Variants in ZDHHC14 observed in about 807,000 individuals in gnomAD.
The protein encoded by ZDHHC14 is zDHHC palmitoyltransferase 14.
In ZDHHC14, 16 loss-of-function variants were observed where a neutral mutation model predicts 47.7. The observed-to-expected ratio is 0.34, with a 90% CI of 0.23 to 0.51. ZDHHC14 has a LOEUF of 0.51. Among genes scored for constraint, ZDHHC14 ranks in the 20% least tolerant of loss-of-function variants. ZDHHC14 has a pLI of 0.97. For missense variants in ZDHHC14, 515 were observed against 662.5 expected (o/e 0.78, Z 2.44); for synonymous variants, 293 against 278.9 (o/e 1.05, Z -0.50).
At chr6:157,536,704 T>C (rs1562467623) in intron 1 of ZDHHC14, among the ~76,000 whole-genome samples, 3 of 152,182 alleles carry the variant, frequency 2.0e-5, no homozygotes. Flanking sequence ...TAAACATGAA[T>C]ATAGAATTAA....
intron 3 of ZDHHC14, among the ~76,000 whole-genome samples, chr6:157,593,596 G>A (rs1784004062): frequency 6.6e-6 from 1 of 152,176 alleles, no homozygotes; most frequent in Admixed American, 6.5e-5. Flanking sequence ...CTCCTCCAGG[G>A]GCTGGAGTTA....
At chr6:157,468,911 G>A (rs1779288000) in intron 1 of ZDHHC14, among the ~76,000 whole-genome samples, 1 of 152,198 alleles carries the variant, frequency 6.6e-6, no homozygotes, top group South Asian at 2.1e-4. Context: ...CTGGTGAATG[G>A]CAGAGCTTGC....
At chr6:157,418,773 C>G (rs1778037899) in intron 1 of ZDHHC14, among the ~76,000 whole-genome samples, 2 of 152,212 alleles carry the variant, frequency 1.3e-5, no homozygotes, top group Admixed American at 1.3e-4. Flanking sequence ...GAATGTAGCG[C>G]CAAACTTCTT....
At chr6:157,581,812 C>T (rs1783530437) in intron 2 of ZDHHC14, among the ~76,000 whole-genome samples, 2 of 152,032 alleles carry the variant, frequency 1.3e-5, no homozygotes, top group South Asian at 2.1e-4. Context: ...CTATGGGTGT[C>T]ACTGCATGCG....
intron 3 of ZDHHC14, among the ~76,000 whole-genome samples, chr6:157,600,768 T>C (rs1228478945): frequency 6.6e-6 from 1 of 152,232 alleles, no homozygotes; most frequent in Non-Finnish European, 1.5e-5. Context: ...GTAGGCAGAA[T>C]TCTGGCCCCC....
intron 1 of ZDHHC14, among the ~76,000 whole-genome samples, chr6:157,522,835 CCCTTCCTTCCTTCCTTTCCTCCCT>C (rs1780988034): frequency 4.0e-5 from 1 of 25,126 alleles, no homozygotes; most frequent in African/African-American, 3.4e-4. Flanking sequence ...CTCCCTCCCT[CCCTTCCTTCCTTCCTTTCCTCCCT>C]TCTTCCCTTG....
intron 2 of ZDHHC14, among the ~76,000 whole-genome samples, chr6:157,547,177 C>T (rs781123717): frequency 2.0e-5 from 3 of 152,250 alleles, no homozygotes; most frequent in Non-Finnish European, 4.4e-5. Flanking sequence ...CCCGTGTGTG[C>T]ACGCACGTGC....
intron 1 of ZDHHC14, among the ~76,000 whole-genome samples, chr6:157,412,905 A>AT (rs1777900077): frequency 6.6e-6 from 1 of 152,146 alleles, no homozygotes; most frequent in Non-Finnish European, 1.5e-5. Flanking sequence ...TGGGATCCGT[A>AT]TTTTTTGGCC....
intron 3 of ZDHHC14, among the ~76,000 whole-genome samples, chr6:157,596,767 C>T (rs548895878): frequency 6.6e-6 from 1 of 152,258 alleles, no homozygotes; most frequent in African/African-American, 2.4e-5. Context: ...TAGTGCCCAC[C>T]ACAGCACCCA....
intron 5 of ZDHHC14, among the ~76,000 whole-genome samples, chr6:157,633,297 G>A (rs985262824): frequency 4.6e-5 from 7 of 152,136 alleles, no homozygotes; most frequent in African/African-American, 1.2e-4. Flanking sequence ...CCTCTGTTCC[G>A]ATTCTGTTGG....
At chr6:157,662,069 C>T (rs1778365217) in intron 8 of ZDHHC14, among the ~76,000 whole-genome samples, 1 of 151,974 alleles carries the variant, frequency 6.6e-6, no homozygotes, top group Non-Finnish European at 1.5e-5. Flanking sequence ...AGTTATTGTC[C>T]CCAGACATGG....
At chr6:157,604,001 A>G (rs1337570401) in intron 3 of ZDHHC14, among the ~76,000 whole-genome samples, 3 of 152,208 alleles carry the variant, frequency 2.0e-5, no homozygotes, top group Non-Finnish European at 4.4e-5. Flanking sequence ...CCTCGAATCA[A>G]ATATACTAAG....
intron 8 of ZDHHC14, among the ~76,000 whole-genome samples, chr6:157,663,217 G>A (rs777974443): frequency 7.2e-5 from 11 of 152,344 alleles, no homozygotes; most frequent in Admixed American, 1.3e-4. Context: ...TGCCCCAAGC[G>A]CCATGAGAAC....
rs544374570 is a variant in ZDHHC14 at position 157,508,862 on chromosome 6, T to C, written c.246-33723T>C. On this transcript the variant is annotated intron_variant, in intron 1 of 8. Coordinates refer to ENST00000359775, the MANE Select transcript of ZDHHC14 (RefSeq NM_024630.3). ...TTGTTCTCTAACTGTTCTTTTTTAG[T>C]GTCCTGTTCTTGCTTTATTTTTCTG... 7.2e-5 allele frequency among the ~76,000 whole-genome samples: 11 copies of C among 152,354 alleles called. No individual in the cohort carries two copies. In the East Asian group the frequency reaches 2.1e-3, roughly 29 times the overall value.
At chr6:157,411,674 T>C (rs1777872341) in intron 1 of ZDHHC14, among the ~76,000 whole-genome samples, 1 of 151,866 alleles carries the variant, frequency 6.6e-6, no homozygotes, top group South Asian at 2.1e-4. Flanking sequence ...CTCTGCACTA[T>C]TTTTGGAGTT....
chr6:157,436,943 AG>A (rs1167293464), intron 1 of ZDHHC14, among the ~76,000 whole-genome samples: 1 of 151,854 alleles, frequency 6.6e-6, no homozygotes. Flanking sequence ...CTGGAGTGGA[AG>A]GTGGTGGGGA....
intron 1 of ZDHHC14, among the ~76,000 whole-genome samples, chr6:157,522,482 G>C (rs1780956403): frequency 6.6e-6 from 1 of 152,030 alleles, no homozygotes; most frequent in Non-Finnish European, 1.5e-5. Flanking sequence ...CTTGCCTGTG[G>C]TCCCTGTTGT....
Position 157,647,383 on chromosome 6 carries a change from G to A in ZDHHC14, c.965+15G>A, listed in dbSNP as rs772052148. On this transcript the variant is annotated intron_variant, in intron 7 of 8. Transcript: ENST00000359775. The stretch of plus-strand genomic sequence containing the variant: ...ATCTCACCAAGGTAAGACTCAGGAC[G>A]CATCGTGCTCTTCAACAGACCTTGG... 3.6e-5 allele frequency: 57 copies of A among 1,593,776 alleles called. No homozygotes were observed. Among genetic ancestry groups the A allele is most frequent in the Middle Eastern group, 3.3e-4 (2 of 6,028 alleles).
At chr6:157,575,875 T>C (rs945136278) in intron 2 of ZDHHC14, among the ~76,000 whole-genome samples, 1 of 152,228 alleles carries the variant, frequency 6.6e-6, no homozygotes, top group Non-Finnish European at 1.5e-5. Context: ...GTTGAGTGAA[T>C]GATTAGGAAA....
Sources: allele counts gnomAD v4.1 joint callset (sites outside exome capture counted in the v4.1 genomes callset), GRCh38; gene constraint gnomAD v4.1.1; transcripts MANE v1.5; gene names NCBI Gene and HGNC (gene_info 2026-07-23, HGNC 2026-07-21).